Variants in ALKAL1 observed in about 807,000 individuals in gnomAD.
ALKAL1 encodes the protein ALK and LTK ligand 1, also known as AUG-beta.
ALKAL1 carries 23 observed loss-of-function variants against 13.5 expected under a neutral mutation model. The ratio of observed to expected loss-of-function variants is 1.70; its 90% confidence interval spans 1.23 to 2.41. ALKAL1 has a LOEUF of 2.41. Ranked by LOEUF, ALKAL1 falls within the 30% of genes most tolerant of loss-of-function variation. The probability of loss-of-function intolerance (pLI) is 0.00; values close to 1 mark genes in which losing one functional copy is unlikely to be tolerated. For synonymous variants in ALKAL1, 85 were observed against 77.7 expected, an observed-to-expected ratio of 1.09 and a Z score of -0.49; for missense variants, 181 against 178.4, an observed-to-expected ratio of 1.01 and a Z score of -0.08.
At chr8:52,536,345 C>G (rs1221999297) in intron 4 of ALKAL1, among the ~76,000 whole-genome samples, 1 of 152,178 alleles carries the variant, frequency 6.6e-6, no homozygotes, top group Non-Finnish European at 1.5e-5. Context: ...TGACTTGGTA[C>G]TACACTGCAA....
chr8:52,549,637 TA>T (rs1257125224), intron 1 of ALKAL1, among the ~76,000 whole-genome samples: 1 of 152,012 alleles, frequency 6.6e-6, no homozygotes, highest in African/African-American at 2.4e-5. Flanking sequence ...ATTCAAGAAA[TA>T]TTTTTTTAAA....
At chr8:52,556,600 TCG>T (rs1847484373) in intron 1 of ALKAL1, among the ~76,000 whole-genome samples, 1 of 126,446 alleles carries the variant, frequency 7.9e-6, no homozygotes, top group South Asian at 2.6e-4. Context: ...TGAGTCGAGA[TCG>T]CGCCACTGCA....
chr8:52,550,339 G>T (rs1847417384), intron 1 of ALKAL1, among the ~76,000 whole-genome samples: 1 of 152,194 alleles, frequency 6.6e-6, no homozygotes, highest in African/African-American at 2.4e-5. Context: ...TGCAAACCAA[G>T]CCCAGACTTA....
At chr8:52,549,529 T>C (rs927007464) in intron 1 of ALKAL1, among the ~76,000 whole-genome samples, 1 of 151,788 alleles carries the variant, frequency 6.6e-6, no homozygotes, top group Non-Finnish European at 1.5e-5. Flanking sequence ...TCTCTGTATC[T>C]TCCCATGGCT....
chr8:52,546,959 C>T (rs1377150885), intron 1 of ALKAL1, among the ~76,000 whole-genome samples: 6 of 152,302 alleles, frequency 3.9e-5, no homozygotes, highest in African/African-American at 1.2e-4. Flanking sequence ...GCCTGCCCTG[C>T]AGCACACTCC....
intron 1 of ALKAL1, among the ~76,000 whole-genome samples, chr8:52,543,440 G>A (rs111790436): frequency 6.6e-6 from 1 of 152,156 alleles, no homozygotes; most frequent in Non-Finnish European, 1.5e-5. Context: ...AGCTCCTGAG[G>A]GACGTGGGAA....
At chr8:52,554,107 C>T (rs1847456594) in intron 1 of ALKAL1, among the ~76,000 whole-genome samples, 1 of 152,086 alleles carries the variant, frequency 6.6e-6, no homozygotes, top group South Asian at 2.1e-4. Flanking sequence ...GCCTGTAATC[C>T]CAGCTACTCG....
At chr8:52,535,944 A>AT (rs10554878) in intron 4 of ALKAL1, among the ~76,000 whole-genome samples, 1,975 of 147,546 alleles carry the variant, frequency 0.013, 36 homozygotes, top group African/African-American at 0.038. Flanking sequence ...CTCTATGACC[A>AT]TTTTTTTTTT....
chr8:52,559,418 C>T (rs1243952478), intron 1 of ALKAL1, among the ~76,000 whole-genome samples: 1 of 152,052 alleles, frequency 6.6e-6, no homozygotes, highest in African/African-American at 2.4e-5. Context: ...TTGGGGAGGG[C>T]AGATAGAAAC....
intron 1 of ALKAL1, among the ~76,000 whole-genome samples, chr8:52,550,951 T>G (rs1293066735): frequency 2.6e-5 from 4 of 152,330 alleles, no homozygotes; most frequent in South Asian, 4.1e-4. Context: ...ATCCTCAATG[T>G]ATTTTGAGGA....
At chr8:52,541,763 AAAT>A (rs1847315451) in intron 2 of ALKAL1, among the ~76,000 whole-genome samples, 1 of 152,154 alleles carries the variant, frequency 6.6e-6, no homozygotes, top group African/African-American at 2.4e-5. Context: ...TCTCAGAAAA[AAAT>A]AATAATAATA....
At position 52,560,559 on chromosome 8, in the gene ALKAL1, C is replaced by G. The variant is rs192084963; in HGVS notation, c.190+4508G>C. Among the ~76,000 whole-genome samples, 483 of 152,314 alleles carry G rather than the reference C, an allele frequency of 3.2e-3. 4 individuals are homozygous for G. The highest frequency in any genetic ancestry group is 5.2e-3 in the Non-Finnish European group (357 of 68,032). Reference sequence around the variant, plus strand: ...AGGAATTGTTTTAATCCTAGGTTTTCCTAACCAATATGTGATTGGAAAGTA... The same window carrying G: ...AGGAATTGTTTTAATCCTAGGTTTTGCTAACCAATATGTGATTGGAAAGTA... On this transcript the variant is annotated intron_variant, in intron 1 of 4. Coordinates refer to ENST00000358543, the MANE Select transcript of ALKAL1 (RefSeq NM_207413.4).
intron 1 of ALKAL1, among the ~76,000 whole-genome samples, chr8:52,554,924 C>A (rs988898012): frequency 5.9e-5 from 9 of 152,210 alleles, no homozygotes; most frequent in Non-Finnish European, 1.2e-4. Flanking sequence ...GTAATCCCAG[C>A]ACTTTGGGAG....
chr8:52,538,285 T>C, intron 4 of ALKAL1, 146 bp downstream of exon 4: 1 of 594,502 alleles, frequency 1.7e-6, no homozygotes, highest in Non-Finnish European at 3.0e-6. Context: ...AAAGAATAAA[T>C]GTTTGAGGCA....
intron 1 of ALKAL1, among the ~76,000 whole-genome samples, chr8:52,554,909 C>T (rs1357606245): frequency 2.0e-5 from 3 of 152,170 alleles, no homozygotes; most frequent in Non-Finnish European, 4.4e-5. Context: ...CGGTGGCTCA[C>T]GCCTGTAATC....
chr8:52,554,832 A>G (rs1034987542), intron 1 of ALKAL1, among the ~76,000 whole-genome samples: 3 of 152,188 alleles, frequency 2.0e-5, no homozygotes, highest in Non-Finnish European at 4.4e-5. Flanking sequence ...TTAACGAGGA[A>G]GAGATGGGTC....
At chr8:52,535,616 G>A (rs537608695) in intron 4 of ALKAL1, among the ~76,000 whole-genome samples, 25 of 150,050 alleles carry the variant, frequency 1.7e-4, no homozygotes, top group African/African-American at 6.1e-4. Flanking sequence ...GAGACAGGTA[G>A]ATTGAGAGTA....
chr8:52,536,086 G>A lies in ALKAL1; in HGVS notation c.*13-1486C>T, dbSNP rs1300340364. 1.1e-4 allele frequency among the ~76,000 whole-genome samples: 17 copies of A among 152,018 alleles called. 1 individual carries two copies. Among genetic ancestry groups the A allele is most frequent in the Admixed American group, 1.1e-3 (17 of 15,268 alleles). ...CCCAAGTAGCTGGGACTACAGGCAC[G>A]CACCACCACACCCAGCTAATTTTTG... is the stretch of plus-strand genomic sequence containing the variant. On this transcript the variant is annotated intron_variant, in intron 4 of 4. Transcript: ENST00000358543.
chr8:52,541,129 G>A (rs554459605), intron 2 of ALKAL1, among the ~76,000 whole-genome samples: 1 of 152,320 alleles, frequency 6.6e-6, no homozygotes, highest in Non-Finnish European at 1.5e-5. Flanking sequence ...GATTCACAAA[G>A]TTGATATGAA....
Sources: allele counts gnomAD v4.1 joint callset (sites outside exome capture counted in the v4.1 genomes callset), GRCh38; gene constraint gnomAD v4.1.1; transcripts MANE v1.5; gene names NCBI Gene and HGNC (gene_info 2026-07-23, HGNC 2026-07-21).